The following ARHGAP6 variants were observed in gnomAD, a reference collection of about 807,000 sequenced individuals.
ARHGAP6 encodes the protein Rho GTPase activating protein 6, also known as rho GTPase-activating protein 6.
A neutral mutation model predicts 55.7 loss-of-function variants in ARHGAP6; 16 were observed. The ratio of observed to expected loss-of-function variants is 0.29; its 90% CI spans 0.19 to 0.44. The LOEUF is 0.44. Among genes scored for constraint, ARHGAP6 ranks in the 20% least tolerant of loss-of-function variants. The pLI is 1.00. For synonymous variants in ARHGAP6, 382 were observed against 360.9 expected, an observed-to-expected ratio of 1.06 and a Z score of -0.66; for missense variants, 698 against 808.9, an observed-to-expected ratio of 0.86 and a Z score of 1.66.
chrX:11,373,079 TCACACACACACACAAACA>T (rs938634216), intron 1 of ARHGAP6, among the ~76,000 whole-genome samples: 2 of 79,496 alleles, frequency 2.5e-5, no homozygotes, highest in African/African-American at 9.8e-5. Flanking sequence ...TCTATTTTTT[TCACACACACACACAAACA>T]CACACACACA....
chrX:11,483,594 A>G (rs1478213404), intron 1 of ARHGAP6, among the ~76,000 whole-genome samples: 2 of 111,203 alleles, frequency 1.8e-5, no homozygotes, highest in Non-Finnish European at 3.8e-5. Context: ...CACTGACTCA[A>G]CCCAAGAGCC....
At position 11,138,021 on chromosome X, in the gene ARHGAP6, T is replaced by A. The variant is rs958297721; in HGVS notation, c.*842A>T. The A allele has an allele frequency of 8.9e-6, 1 of 111,794 alleles. No homozygotes were observed. The highest frequency in any genetic ancestry group is 2.7e-4 in the East Asian group (1 of 3,645). The allele number at this position is 111,794 out of a possible 1,213,427, so 9.2% of individuals were successfully genotyped here. ...GATTCCAGTTTGTAGTTTTGAAAAA[T>A]ACATAAAAATTATACATTATAAATA... On this transcript the variant is annotated 3_prime_UTR_variant, in exon 13 of 13. Transcript: ENST00000337414.
At position 11,145,987 on chromosome X, in the gene ARHGAP6, G is replaced by T. The variant is rs2045684385; in HGVS notation, c.1908-1739C>A. 4.5e-5 allele frequency among the ~76,000 whole-genome samples: 5 copies of T among 112,299 alleles called. No individual in the cohort carries two copies. In the South Asian group the frequency reaches 1.9e-3, roughly 42 times the overall value. ...TCTGTAGATGTGACAGTGGGCTAAA[G>T]GTCTGCTAAGAGCCAAATCAGGAGG... On this transcript the variant is annotated intron_variant, in intron 10 of 12. Transcript: ENST00000337414.
intron 1 of ARHGAP6, among the ~76,000 whole-genome samples, chrX:11,565,746 A>C (rs2051434518): frequency 8.9e-6 from 1 of 112,233 alleles, no homozygotes; most frequent in Non-Finnish European, 1.9e-5. Context: ...GAAATATCTA[A>C]AGGTTTTATG....
At chrX:11,204,767 A>C (rs1474104575) in intron 2 of ARHGAP6, among the ~76,000 whole-genome samples, 1 of 111,809 alleles carries the variant, frequency 8.9e-6, no homozygotes, top group African/African-American at 3.3e-5. Flanking sequence ...GTCGTTCTGT[A>C]AACCTTCCAT....
intron 1 of ARHGAP6, among the ~76,000 whole-genome samples, chrX:11,479,428 C>A (rs994249057): frequency 3.6e-5 from 4 of 111,755 alleles, no homozygotes; most frequent in African/African-American, 1.3e-4. Context: ...ATCAACAGGT[C>A]ATTGTATACA....
intron 1 of ARHGAP6, among the ~76,000 whole-genome samples, chrX:11,354,186 C>T (rs1355882078): frequency 9.3e-6 from 1 of 107,345 alleles, no homozygotes; most frequent in African/African-American, 3.4e-5. Flanking sequence ...GTGAGCAACA[C>T]CTAGCCTACA....
intron 1 of ARHGAP6, among the ~76,000 whole-genome samples, chrX:11,340,763 T>A (rs1473017851): frequency 1.8e-5 from 2 of 111,044 alleles, no homozygotes; most frequent in Non-Finnish European, 3.8e-5. Context: ...AGATATCTGT[T>A]GTCACAGAAA....
intron 1 of ARHGAP6, among the ~76,000 whole-genome samples, chrX:11,515,595 ATG>A (rs2050830471): frequency 8.9e-6 from 1 of 112,006 alleles, no homozygotes; most frequent in Non-Finnish European, 1.9e-5. Flanking sequence ...CATTTAAAAT[ATG>A]TTTTTGGACA....
chrX:11,520,129 T>TTTTA (rs1294089077), intron 1 of ARHGAP6, among the ~76,000 whole-genome samples: 1 of 34,695 alleles, frequency 2.9e-5, no homozygotes, highest in African/African-American at 1.0e-4. Flanking sequence ...AGAGAATTGA[T>TTTTA]TTTATATATA....
chrX:11,359,635 A>T (rs948741860), intron 1 of ARHGAP6, among the ~76,000 whole-genome samples: 25 of 112,190 alleles, frequency 2.2e-4, no homozygotes, highest in Non-Finnish European at 4.1e-4. Context: ...AGCTAGCAGA[A>T]GGCAAGAAAT....
At chrX:11,513,186 G>A (rs2050801215) in intron 1 of ARHGAP6, among the ~76,000 whole-genome samples, 2 of 110,703 alleles carry the variant, frequency 1.8e-5, no homozygotes, top group South Asian at 7.8e-4. Context: ...AATGGTTTAG[G>A]GCCCAGCTCT....
chrX:11,177,376 G>GA (rs1224959348), intron 8 of ARHGAP6, among the ~76,000 whole-genome samples: 1 of 100,102 alleles, frequency 1.0e-5, no homozygotes, highest in African/African-American at 3.6e-5. Flanking sequence ...TGGGCGGGGG[G>GA]GGGGCACACT....
intron 1 of ARHGAP6, among the ~76,000 whole-genome samples, chrX:11,289,255 C>A (rs1656776448): frequency 1.8e-5 from 2 of 110,855 alleles, no homozygotes; most frequent in Admixed American, 9.6e-5. Context: ...TATGTTGAAC[C>A]TTTTTTCCCC....
chrX:11,586,457 G>A (rs189257870), intron 1 of ARHGAP6, among the ~76,000 whole-genome samples: 1 of 111,429 alleles, frequency 9.0e-6, no homozygotes, highest in East Asian at 2.8e-4. Context: ...GTTTTTGTCA[G>A]GTTTGTCAAA....
chrX:11,271,181 C>T (rs764947317), intron 1 of ARHGAP6, among the ~76,000 whole-genome samples: 3 of 111,537 alleles, frequency 2.7e-5, no homozygotes, highest in Non-Finnish European at 5.7e-5. Flanking sequence ...ATTCACTGCT[C>T]ATTAAACATG....
At chrX:11,151,595 C>G (rs988245634) in intron 10 of ARHGAP6, among the ~76,000 whole-genome samples, 4 of 112,046 alleles carry the variant, frequency 3.6e-5, no homozygotes, top group Admixed American at 9.5e-5. Context: ...CGAGAAAAAA[C>G]AAGGAATTAT....
intron 1 of ARHGAP6, among the ~76,000 whole-genome samples, chrX:11,290,669 C>A (rs1373376878): frequency 1.8e-5 from 2 of 111,223 alleles, no homozygotes; most frequent in African/African-American, 6.6e-5. Flanking sequence ...AAGAGTTGAA[C>A]TCTTACAGAT....
chrX:11,325,289 T>G (rs2048484745), intron 1 of ARHGAP6, among the ~76,000 whole-genome samples: 1 of 112,596 alleles, frequency 8.9e-6, no homozygotes, highest in Non-Finnish European at 1.9e-5. Context: ...CTATTAAAAT[T>G]ATAATGTATT....
Sources: allele counts gnomAD v4.1 joint callset (sites outside exome capture counted in the v4.1 genomes callset), GRCh38; gene constraint gnomAD v4.1.1; transcripts MANE v1.5; gene names NCBI Gene and HGNC (gene_info 2026-07-23, HGNC 2026-07-21).